The following TTN variants were observed in gnomAD, a reference collection of about 807,000 sequenced individuals.
TTN encodes connectin.
A neutral mutation model predicts 3,223.0 loss-of-function variants in TTN; 1,525 were observed. The observed-to-expected ratio is 0.47, with a 90% CI of 0.45 to 0.49. The LOEUF is 0.49. TTN is among the 20% of genes least tolerant of loss of function. The pLI is 0.00. For missense variants in TTN, 40,786 were observed against 43,424.0 expected (o/e 0.94, Z 5.40); for synonymous variants, 14,094 against 15,161.0 (o/e 0.93, Z 5.17).
Position 178,777,573 on chromosome 2 carries a change from C to T in TTN, c.4492G>A (p.Val1498Ile). ...TFWFHDGQQI[V>I]NDYTHKVVIK... Reference sequence around the variant, plus strand: ...ACTACTTTATGGGTATAGTCATTGACAATTTGCTGGCCTGTGAAAATATGT... The same window carrying T: ...ACTACTTTATGGGTATAGTCATTGATAATTTGCTGGCCTGTGAAAATATGT... Residue 1498 changes from valine to isoleucine, a missense_variant, in exon 26 of 363, where the codon GTC becomes ATC. By Grantham distance (29) the Val-to-Ile change is conservative (BLOSUM62 3). Transcript: ENST00000589042. 6.2e-7 allele frequency: 1 copy of T among 1,613,802 alleles called. No individual in the cohort carries two copies. The highest frequency in any genetic ancestry group is 8.5e-7 in the Non-Finnish European group (1 of 1,179,910).
At position 178,799,832 on chromosome 2, in the gene TTN, A is replaced by C. The variant is rs781543487; in HGVS notation, c.662T>G (p.Ile221Ser). The change falls in exon 5 of 363, where the codon ATT (isoleucine) becomes AGT (serine). Residue 221 changes from isoleucine (I) to serine (S), a missense_variant. Physicochemically the swap from Ile to Ser is moderately radical, Grantham distance 142. Transcript: ENST00000589042. ...AACAGTATAGAAAAATACCTTTTCA[A>C]TTCGGGTTTGTCTTGATTCTGAGAT... is the stretch of plus-strand genomic sequence containing the variant. ...AQISESRQTR[I>S]EKKIEAHFDA... The C allele has an allele frequency of 6.2e-7, 1 of 1,614,172 alleles. No individual in the cohort carries two copies. The highest frequency in any genetic ancestry group is 1.7e-5 in the Admixed American group (1 of 60,024).
chr2:178,682,241 C>T (rs1235434745), intron 135 of TTN, among the ~76,000 whole-genome samples: 1 of 151,984 alleles, frequency 6.6e-6, no homozygotes, highest in African/African-American at 2.4e-5. Flanking sequence ...ACTTTTGAAG[C>T]AGTCATTGTC....
chr2:178,543,661 A>G lies in TTN; in HGVS notation c.96312T>C (p.Asp32104=), dbSNP rs1170015320. 2.5e-6 allele frequency: 4 copies of G among 1,577,862 alleles called. No homozygotes were observed. Among genetic ancestry groups the G allele is most frequent in the South Asian group, 2.3e-5 (2 of 87,568 alleles). Residue 32104 remains aspartate, a splice_region_variant and synonymous_variant, in exon 347 of 363, where the codon GAT becomes GAC. Coordinates refer to ENST00000589042, the MANE Select transcript of TTN (RefSeq NM_001267550.2). The part of the protein sequence containing the change: ...KSATVLVKVY[D]TPGPCPSVKV... Reference sequence around the variant, plus strand: ...TCACTGAAGGACAGGGACCAGGAGTATCTGAAAAACAGAATGAAAGATTCA... The same window carrying G: ...TCACTGAAGGACAGGGACCAGGAGTGTCTGAAAAACAGAATGAAAGATTCA...
Position 178,550,177 on chromosome 2 carries a change from G to A in TTN, c.91661C>T (p.Pro30554Leu), listed in dbSNP as rs1698777400. ...LRIKALVQGR[P>L]VPRVTWFKDG... ...TTTGAACCAAGTTACTCGAGGCACT[G>A]GTCTTCCTTGTACCAAAGCTTTAAT... is the stretch of plus-strand genomic sequence containing the variant. Residue 30554 changes from proline to leucine, a missense_variant, in exon 337 of 363, where the codon CCA (proline) becomes CTA (leucine). By Grantham distance (98) the Pro-to-Leu change is moderately conservative. Transcript: ENST00000589042. 21 of 1,613,738 alleles carry A rather than the reference G, an allele frequency of 1.3e-5. No individual in the cohort carries two copies. The highest frequency in any genetic ancestry group is 1.8e-5 in the Non-Finnish European group (21 of 1,179,766).
In TTN at chr2:178,764,734, C is replaced by T. The variant is rs2291311; in HGVS notation, c.9781G>A (p.Val3261Met). Reference protein sequence around the residue: ...QSGKPARFCAVISGRPQPKIS... With the variant: ...QSGKPARFCAMISGRPQPKIS... Reference sequence around the variant, plus strand: ...TTGGGCTGTGGTCTTCCGGATATCACGGCACAGAAGCGGGCAGGCTTGCCA... The same window carrying T: ...TTGGGCTGTGGTCTTCCGGATATCATGGCACAGAAGCGGGCAGGCTTGCCA... Residue 3261 changes from valine to methionine, a missense_variant, in exon 42 of 363, where the codon GTG becomes ATG. Physicochemically the swap from Val to Met is conservative, Grantham distance 21. Transcript: ENST00000589042. 1,452,743 of 1,613,962 alleles carry T rather than the reference C, an allele frequency of 0.9. 658,565 individuals are homozygous for T. The highest frequency in any genetic ancestry group is 0.93 in the Non-Finnish European group (1,098,837 of 1,179,996).
Position 178,591,201 on chromosome 2 carries a change from G to C in TTN, c.60524C>G (p.Pro20175Arg). ...HLTVLDVPGP[P>R]TGPINILDVT... Reference sequence around the variant, plus strand: ...ATCCAGAATATTAATAGGACCTGTTGGTGGCCCAGGAACATCAAGAACAGT... The same window carrying C: ...ATCCAGAATATTAATAGGACCTGTTCGTGGCCCAGGAACATCAAGAACAGT... Residue 20175 changes from proline to arginine, a missense_variant, in exon 304 of 363, where the codon CCA becomes CGA. Pro to Arg is a moderately radical substitution (Grantham distance 103, BLOSUM62 -2). Transcript: ENST00000589042. The C allele has an allele frequency of 6.2e-7, 1 of 1,613,396 alleles. No homozygotes were observed. Among genetic ancestry groups the C allele is most frequent in the Non-Finnish European group, 8.5e-7 (1 of 1,179,558 alleles).
rs766610061 is a variant in TTN at position 178,618,702 on chromosome 2, C to T, written c.46848G>A (p.Thr15616=). 31 of 1,611,918 alleles carry T rather than the reference C, an allele frequency of 1.9e-5. No individual in the cohort carries two copies. The highest frequency in any genetic ancestry group is 1.6e-4 in the Middle Eastern group (1 of 6,062). ...EPLSTKTIDT[T]AEQTSFRILE... is the part of the protein sequence containing the mutation. Reference sequence around the variant, plus strand: ...AAATTCTGAAAGAAGTTTGTTCAGCCGTAGTATCAATGGTTTTTGTAGATA... The same window carrying T: ...AAATTCTGAAAGAAGTTTGTTCAGCTGTAGTATCAATGGTTTTTGTAGATA... The change falls in exon 251 of 363, where the codon ACG becomes ACA. Residue 15616 remains threonine (T), a synonymous_variant. Coordinates refer to ENST00000589042, the MANE Select transcript of TTN (RefSeq NM_001267550.2).
At chr2:178,676,719 T>C (rs1173310649) in intron 147 of TTN, among the ~76,000 whole-genome samples, 1 of 151,862 alleles carries the variant, frequency 6.6e-6, no homozygotes, top group African/African-American at 2.4e-5. Context: ...AATCAAAACC[T>C]GTTGGGCTGC....
At chr2:178,554,246 C>T in intron 332 of TTN, 30 bp from the exon 333 acceptor site, 1 of 1,535,262 alleles carries the variant, frequency 6.5e-7, no homozygotes, top group Non-Finnish European at 8.8e-7. Context: ...AAACAAGGTA[C>T]AAGAATCCAC....
rs1277230892 is a variant in TTN at position 178,699,707 on chromosome 2, A to G, written c.30683-793T>C. On this transcript the variant is annotated intron_variant, in intron 111 of 362. Transcript: ENST00000589042. ...ATTACAGGCGTGAGCCACCGCGCCCAGCCCACTCTTTTTTAATTTTTTTTT... is the reference window on the plus strand; with the variant it reads ...ATTACAGGCGTGAGCCACCGCGCCCGGCCCACTCTTTTTTAATTTTTTTTT... 7.8e-5 allele frequency among the ~76,000 whole-genome samples: 10 copies of G among 127,596 alleles called. No individual in the cohort carries two copies. In the East Asian group the frequency reaches 2.1e-3, roughly 27 times the overall value. The allele number at this position is 127,596 out of a possible 152,430, so 83.7% of individuals were successfully genotyped here. A position where few individuals can be genotyped will look rare whatever the true frequency, so the allele number is the denominator to read the frequency against.
rs868494997 is a variant in TTN, at chr2:178,780,197, C to T, written c.3532G>A (p.Glu1178Lys). 1 of 1,613,282 alleles carries T rather than the reference C, an allele frequency of 6.2e-7. No homozygotes were observed. Among genetic ancestry groups the T allele is most frequent in the Non-Finnish European group, 8.5e-7 (1 of 1,179,378 alleles). ...TCTTGCTGGGACTTCATCAGTAACT[C>T]ATAATCAGCTAAGAGTTAAGAACAT... ...SASLLEEADY[E>K]LLMKSQQEML... is the part of the protein sequence containing the mutation. Residue 1178 changes from glutamate (E) to lysine (K), a missense_variant, in exon 22 of 363, where the codon GAG becomes AAG. Transcript: ENST00000589042.
rs745856872 is a variant in TTN, at chr2:178,581,646, A to G, written c.66622T>C (p.Leu22208=). 4.3e-6 allele frequency: 7 copies of G among 1,612,842 alleles called. No homozygotes were observed. In the Admixed American group the frequency reaches 1.2e-4, roughly 27 times the overall value. ...CGGGTTTTCTGTAGATTCTGTGGTA[A>G]GTTGCACCTCACCCAGTTATCGGAG... ...ADSDNWVRCN[L]PQNLQKTRFE... Residue 22208 remains leucine (L), a synonymous_variant, in exon 316 of 363, where the codon TTA becomes CTA. Coordinates refer to ENST00000589042, the MANE Select transcript of TTN (RefSeq NM_001267550.2).
chr2:178,777,267 T>C lies in TTN; in HGVS notation c.4696A>G (p.Asn1566Asp). 6.2e-7 allele frequency: 1 copy of C among 1,614,062 alleles called. No individual in the cohort carries two copies. Among genetic ancestry groups the C allele is most frequent in the Non-Finnish European group, 8.5e-7 (1 of 1,179,972 alleles). Residue 1566 changes from asparagine (N) to aspartate (D), a missense_variant, in exon 27 of 363, where the codon AAT becomes GAT. Coordinates refer to ENST00000589042, the MANE Select transcript of TTN (RefSeq NM_001267550.2). ...TCAAGTCGGGAACCTTCCTTTATAT[T>C]GACATTTTTCAGTTTTTCTACAAAC... is the stretch of plus-strand genomic sequence containing the variant. ...PMFVEKLKNV[N>D]IKEGSRLEMK...
chr2:178,682,679 T>C lies in TTN; in HGVS notation c.33094+18A>G. The C allele has an allele frequency of 6.3e-7, 1 of 1,597,346 alleles. No individual in the cohort carries two copies. ...GCACATATTTAGTGTGGTTTTGAGT[T>C]TGCAGTTTTGCTCATACCTGTGATG... is the stretch of plus-strand genomic sequence containing the variant. On this transcript the variant is annotated intron_variant, in intron 135 of 362. Coordinates refer to ENST00000589042, the MANE Select transcript of TTN (RefSeq NM_001267550.2).
Position 178,679,981 on chromosome 2 carries a change from ATTC to A in TTN, c.33490_33492del (p.Glu11164del). 1 of 1,613,150 alleles carries A rather than the reference ATTC, an allele frequency of 6.2e-7. No individual in the cohort carries two copies. ...TACTCTTCTTCTTCTTCTACAAGAT[ATTC>A]TTCTACATGGGTTACAACTTCCTCT... On this transcript the variant is annotated inframe_deletion, in exon 140 of 363. Coordinates refer to ENST00000589042, the MANE Select transcript of TTN (RefSeq NM_001267550.2).
chr2:178,732,042 A>G (rs756390144), intron 57 of TTN, 24 bp downstream of exon 57: 1 of 1,590,396 alleles, frequency 6.3e-7, no homozygotes, highest in Non-Finnish European at 8.6e-7. Flanking sequence ...CTTTGGCAAC[A>G]CAAGAGGCAA....
chr2:178,698,476 C>T (rs772993377), intron 112 of TTN, among the ~76,000 whole-genome samples: 59 of 152,088 alleles, frequency 3.9e-4, no homozygotes, highest in Non-Finnish European at 7.1e-4. Context: ...CATAACATCA[C>T]TTTGTACCCC....
Position 178,733,274 on chromosome 2 carries a change from C to T in TTN, c.16019G>A (p.Gly5340Asp), listed in dbSNP as rs2080874147. The change falls in exon 54 of 363, where the codon GGC (glycine) becomes GAC (aspartate). Residue 5340 changes from glycine (G) to aspartate (D), a missense_variant. Physicochemically the swap from Gly to Asp is moderately conservative, Grantham distance 94. Transcript: ENST00000589042. Reference sequence around the variant, plus strand: ...GAATGTAGTCTCACAGGAGCTGCTGCCCACTTCATTGGAAATCTCAAATGT... The same window carrying T: ...GAATGTAGTCTCACAGGAGCTGCTGTCCACTTCATTGGAAATCTCAAATGT... ...QYTFEISNEV[G>D]SSSCETTFTV... 2.5e-6 allele frequency: 4 copies of T among 1,610,652 alleles called. No individual in the cohort carries two copies. Among genetic ancestry groups the T allele is most frequent in the Non-Finnish European group, 3.4e-6 (4 of 1,177,738 alleles).
At chr2:178,789,917 A>G in intron 12 of TTN, 61 bp downstream of exon 12, 1 of 1,600,892 alleles carries the variant, frequency 6.2e-7, no homozygotes, top group Non-Finnish European at 8.5e-7. Flanking sequence ...TATTGTAGTT[A>G]ATAGTTTACT....
Sources: allele counts gnomAD v4.1 joint callset (sites outside exome capture counted in the v4.1 genomes callset), GRCh38; gene constraint gnomAD v4.1.1; transcripts MANE v1.5; gene names NCBI Gene and HGNC (gene_info 2026-07-23, HGNC 2026-07-21).